The following MOB1A variants were observed in gnomAD, a reference collection of about 807,000 sequenced individuals.
The protein encoded by MOB1A is MOB1 Mps One Binder homolog A.
MOB1A carries 10 observed loss-of-function variants against 25.1 expected under a neutral mutation model. The observed-to-expected ratio is 0.40, with a 90% CI of 0.25 to 0.68. The LOEUF (loss-of-function observed/expected upper bound fraction) is 0.68. MOB1A is among the 30% of genes least tolerant of loss of function. MOB1A has a pLI of 0.40. For missense variants in MOB1A, 177 were observed against 256.3 expected, an observed-to-expected ratio of 0.69 and a Z score of 2.11; for synonymous variants, 81 against 79.5, an observed-to-expected ratio of 1.02 and a Z score of -0.10.
chr2:74,178,692 G>C lies in MOB1A; in HGVS notation c.-18C>G. The C allele has an allele frequency of 7.6e-7, 1 of 1,318,586 alleles. No homozygotes were observed. The highest frequency in any genetic ancestry group is 9.7e-7 in the Non-Finnish European group (1 of 1,025,942). 81.7% of individuals were successfully genotyped at this position (1,318,586 alleles called of 1,614,324 possible). A position where few individuals can be genotyped will look rare whatever the true frequency, so the allele number is the denominator to read the frequency against. ...AAGCTCATCTTCGGTCCTCAGAGGG[G>C]AGGCGAGGGGCCCCTGGCCCCCGCC... On this transcript the variant is annotated 5_prime_UTR_variant, in exon 1 of 6. Coordinates refer to ENST00000396049, the MANE Select transcript of MOB1A (RefSeq NM_018221.5).
chr2:74,175,998 C>A (rs1693443478), intron 1 of MOB1A, among the ~76,000 whole-genome samples: 1 of 151,658 alleles, frequency 6.6e-6, no homozygotes, highest in Non-Finnish European at 1.5e-5. Context: ...GTAATCCCAG[C>A]ACTCTGGGAG....
chr2:74,157,462 C>T (rs1383485313), intron 5 of MOB1A, among the ~76,000 whole-genome samples: 4 of 152,084 alleles, frequency 2.6e-5, no homozygotes, highest in African/African-American at 9.7e-5. Flanking sequence ...GCGGCTCTAG[C>T]AAACTAATCA....
intron 1 of MOB1A, among the ~76,000 whole-genome samples, chr2:74,175,201 T>TAAAGCCTGATGA (rs1353547640): frequency 1.3e-5 from 2 of 152,246 alleles, no homozygotes; most frequent in Admixed American, 6.5e-5. Context: ...TATGAGAATC[T>TAAAGCCTGATGA]AAAGCCTGAT....
chr2:74,159,346 C>T, intron 4 of MOB1A, 92 bp from the exon 5 acceptor site: 1 of 1,160,876 alleles, frequency 8.6e-7, no homozygotes, highest in Non-Finnish European at 1.2e-6. Context: ...GTCACTCAGG[C>T]AGTGGTGCAA....
chr2:74,175,098 C>T (rs1228160479), intron 1 of MOB1A, among the ~76,000 whole-genome samples: 2 of 152,172 alleles, frequency 1.3e-5, no homozygotes, highest in Non-Finnish European at 2.9e-5. Flanking sequence ...CTGAGCTCCA[C>T]CTCTTGTCAT....
At position 74,155,573 on chromosome 2, in the gene MOB1A, C is replaced by CAG. The variant is rs2103682011; in HGVS notation, c.*994_*995insCT. ...ATGAAGTTCATGCATTTCTACACTA[C>CAG]TCTTAACTAAGGCTCAAGAGACAAT... On this transcript the variant is annotated 3_prime_UTR_variant, in exon 6 of 6. Coordinates refer to ENST00000396049, the MANE Select transcript of MOB1A (RefSeq NM_018221.5). The CAG allele has an allele frequency of 6.6e-6, 1 of 152,604 alleles. No individual in the cohort carries two copies. The allele number at this position is 152,604 out of a possible 1,614,324, so 9.5% of individuals were successfully genotyped here. A position where few individuals can be genotyped will look rare whatever the true frequency, so the allele number is the denominator to read the frequency against.
Position 74,174,375 on chromosome 2 carries a change from T to C in MOB1A, c.15-1623A>G, listed in dbSNP as rs1027149479. On this transcript the variant is annotated intron_variant, in intron 1 of 5. Coordinates refer to ENST00000396049, the MANE Select transcript of MOB1A (RefSeq NM_018221.5). ...ATTTGAGAGACCAAGGCAGGAGGATTTCTTGAGCCCAGGAGTTTGAGACCA... is the reference window on the plus strand; with the variant it reads ...ATTTGAGAGACCAAGGCAGGAGGATCTCTTGAGCCCAGGAGTTTGAGACCA... Among the ~76,000 whole-genome samples, 4 of 152,038 alleles carry C rather than the reference T, an allele frequency of 2.6e-5. No homozygotes were observed. In the South Asian group the frequency reaches 6.2e-4, roughly 24 times the overall value.
intron 4 of MOB1A, among the ~76,000 whole-genome samples, 166 bp from the exon 5 acceptor site, chr2:74,159,420 T>A (rs1026895682): frequency 6.6e-6 from 1 of 152,008 alleles, no homozygotes; most frequent in African/African-American, 2.4e-5. Flanking sequence ...GCCCCCCAAA[T>A]AACCTGCACT....
At chr2:74,160,127 AAATGC>A (rs1418664744) in intron 4 of MOB1A, among the ~76,000 whole-genome samples, 3 of 152,218 alleles carry the variant, frequency 2.0e-5, no homozygotes, top group Non-Finnish European at 4.4e-5. Flanking sequence ...TTCTGAAATT[AAATGC>A]AACAAGAGTA....
In MOB1A at chr2:74,172,779, G is replaced by A. The variant is rs1056126979; in HGVS notation, c.15-27C>T. Reference sequence around the variant, plus strand: ...TGTAAGATTAAAAGTGCAAGTATATGAATTTTTAAGACTGGAAGTAGAACA... The same window carrying A: ...TGTAAGATTAAAAGTGCAAGTATATAAATTTTTAAGACTGGAAGTAGAACA... On this transcript the variant is annotated intron_variant, in intron 1 of 5. Coordinates refer to ENST00000396049, the MANE Select transcript of MOB1A (RefSeq NM_018221.5). 6 of 1,597,296 alleles carry A rather than the reference G, an allele frequency of 3.8e-6. No homozygotes were observed. In the African/African-American group the frequency reaches 8.0e-5, roughly 21 times the overall value.
chr2:74,158,880 G>A (rs1692878809), intron 5 of MOB1A, among the ~76,000 whole-genome samples: 1 of 151,996 alleles, frequency 6.6e-6, no homozygotes, highest in South Asian at 2.1e-4. Flanking sequence ...AGGGTGGCCA[G>A]AGGCAGAAGG....
intron 3 of MOB1A, among the ~76,000 whole-genome samples, chr2:74,166,729 G>A (rs908228213): frequency 1.1e-4 from 16 of 152,164 alleles, no homozygotes; most frequent in Admixed American, 8.5e-4. Flanking sequence ...CCAGCCACTC[G>A]GGAGGCTGAG....
At chr2:74,162,463 C>CA in intron 4 of MOB1A, among the ~76,000 whole-genome samples, 1 of 152,188 alleles carries the variant, frequency 6.6e-6, no homozygotes, top group East Asian at 1.9e-4. Context: ...GCCTGGGTGA[C>CA]AGAGTGAGAC....
In MOB1A at chr2:74,152,650, CT is replaced by C. The variant is rs778737129; in HGVS notation, c.*3917del. ...AAGTTACAAAAGTAGATACAAAATA[CT>C]TTTTTTAGAAGTACAGTTAACTGAC... On this transcript the variant is annotated 3_prime_UTR_variant, in exon 6 of 6. Coordinates refer to ENST00000396049, the MANE Select transcript of MOB1A (RefSeq NM_018221.5). 6.6e-6 allele frequency: 1 copy of C among 152,102 alleles called. No individual in the cohort carries two copies. The highest frequency in any genetic ancestry group is 1.9e-4 in the East Asian group (1 of 5,206). The allele number at this position is 152,102 out of a possible 1,614,324, so 9.4% of individuals were successfully genotyped here. A position where few individuals can be genotyped will look rare whatever the true frequency, so the allele number is the denominator to read the frequency against.
At chr2:74,171,152 C>G (rs1408589318) in intron 2 of MOB1A, among the ~76,000 whole-genome samples, 1 of 151,752 alleles carries the variant, frequency 6.6e-6, no homozygotes, top group Non-Finnish European at 1.5e-5. Flanking sequence ...TGGTGGCGGA[C>G]ACCTGTAATC....
In MOB1A at chr2:74,178,657, T is replaced by G. The variant is rs1257917703; in HGVS notation, c.14+4A>C. On this transcript the variant is annotated splice_donor_region_variant and intron_variant, in intron 1 of 5. Coordinates refer to ENST00000396049, the MANE Select transcript of MOB1A (RefSeq NM_018221.5). ...CCCGGCGCCCGCGGCCCGACCCCAC[T>G]CACAAGAGGAAGCTCATCTTCGGTC... 1 of 1,365,016 alleles carries G rather than the reference T, an allele frequency of 7.3e-7. No homozygotes were observed. The highest frequency in any genetic ancestry group is 9.5e-7 in the Non-Finnish European group (1 of 1,054,008). 84.6% of individuals were successfully genotyped at this position (1,365,016 alleles called of 1,614,324 possible).
chr2:74,161,830 G>A (rs1291495731), intron 4 of MOB1A, among the ~76,000 whole-genome samples: 1 of 151,948 alleles, frequency 6.6e-6, no homozygotes, highest in Non-Finnish European at 1.5e-5. Flanking sequence ...TGGCACACGT[G>A]CCTGTGGTCT....
chr2:74,176,086 ACACACACACACACAC>A (rs1693449031), intron 1 of MOB1A, among the ~76,000 whole-genome samples: 7 of 69,712 alleles, frequency 1.0e-4, no homozygotes, highest in Admixed American at 3.6e-4. Flanking sequence ...CCTCTACTAC[ACACACACACACACAC>A]ACACACACAC....
chr2:74,177,282 G>T (rs1693503282), intron 1 of MOB1A, among the ~76,000 whole-genome samples: 1 of 151,990 alleles, frequency 6.6e-6, no homozygotes, highest in African/African-American at 2.4e-5. Flanking sequence ...CATCCCCGGA[G>T]GCAGAGGTTG....
Sources: gnomAD v4.1 joint callset for allele counts (sites outside exome capture counted in the v4.1 genomes callset) on GRCh38, gnomAD v4.1.1 for gene constraint, MANE v1.5 for transcripts, NCBI Gene and HGNC (gene_info 2026-07-23, HGNC 2026-07-21) for gene names.